RFX4: variants seen among roughly 807,000 people sequenced by gnomAD.
RFX4 encodes the protein regulatory factor X4.
A neutral mutation model predicts 95.0 loss-of-function variants in RFX4; 10 were observed. That is an observed-to-expected ratio of 0.11 (90% CI 0.06 to 0.18). The LOEUF (loss-of-function observed/expected upper bound fraction) is 0.18, where lower values mean the gene tolerates loss of function less well. Ranked by LOEUF, RFX4 falls within the 10% of genes least tolerant of loss-of-function variation. RFX4 has a pLI of 1.00. For synonymous variants in RFX4, 321 were observed against 340.7 expected (o/e 0.94, Z 0.64); for missense variants, 640 against 922.0 (o/e 0.69, Z 3.96).
chr12:106,745,772 T>C (rs1242735977), intron 15 of RFX4, among the ~76,000 whole-genome samples: 1 of 152,240 alleles, frequency 6.6e-6, no homozygotes, highest in Non-Finnish European at 1.5e-5. Flanking sequence ...AATTCTTTCA[T>C]GTTTTCCATG....
intron 15 of RFX4, among the ~76,000 whole-genome samples, chr12:106,746,758 G>A (rs933732382): frequency 6.6e-6 from 1 of 152,176 alleles, no homozygotes; most frequent in Non-Finnish European, 1.5e-5. Flanking sequence ...TTTGCTTAAA[G>A]CAATTTGTTG....
At chr12:106,594,812 A>C (rs1297718217) in intron 1 of RFX4, among the ~76,000 whole-genome samples, 1 of 151,738 alleles carries the variant, frequency 6.6e-6, no homozygotes, top group Non-Finnish European at 1.5e-5. Flanking sequence ...TAAAAAAAAA[A>C]AAAAGAAATG....
intron 13 of RFX4, among the ~76,000 whole-genome samples, chr12:106,722,890 C>T (rs1218347794): frequency 1.3e-5 from 2 of 152,156 alleles, no homozygotes; most frequent in African/African-American, 2.4e-5. Flanking sequence ...CATGTGTTCC[C>T]TGTATGAAAA....
At chr12:106,689,184 C>CT (rs2137428136) in intron 6 of RFX4, 103 bp from the exon 7 acceptor site, 1 of 933,914 alleles carries the variant, frequency 1.1e-6, no homozygotes, top group East Asian at 2.5e-5. Context: ...TGAATTGCAT[C>CT]CCCCCCACAG....
At chr12:106,733,175 C>A in intron 15 of RFX4, 90 bp downstream of exon 15, 1 of 1,391,114 alleles carries the variant, frequency 7.2e-7, no homozygotes, top group Non-Finnish European at 1.0e-6. Context: ...GACTTCATTT[C>A]CACACACACA....
At position 106,630,714 on chromosome 12, in the gene RFX4, A is replaced by G. The variant is rs962028442; in HGVS notation, c.131-8618A>G. On this transcript the variant is annotated intron_variant, in intron 2 of 17. Coordinates refer to ENST00000392842, the MANE Select transcript of RFX4 (RefSeq NM_213594.3). ...CACATAAACTTGAACCTTTCCTGGG[A>G]TTTGAAAAGAAGTAATTAATTTAGA... is the stretch of plus-strand genomic sequence containing the variant. Among the ~76,000 whole-genome samples, 3 of 152,264 alleles carry G rather than the reference A, an allele frequency of 2.0e-5. No individual in the cohort carries two copies. In the South Asian group the frequency reaches 6.2e-4, roughly 32 times the overall value.
At chr12:106,688,707 C>T (rs1309567857) in intron 6 of RFX4, among the ~76,000 whole-genome samples, 1 of 151,484 alleles carries the variant, frequency 6.6e-6, no homozygotes, top group Non-Finnish European at 1.5e-5. Flanking sequence ...ATTTAAAATT[C>T]TCAGGTAATT....
At chr12:106,700,778 TAAC>T (rs977158534) in intron 8 of RFX4, among the ~76,000 whole-genome samples, 1 of 152,234 alleles carries the variant, frequency 6.6e-6, no homozygotes, top group Non-Finnish European at 1.5e-5. Flanking sequence ...GTAAGAATCT[TAAC>T]AACAGTATAC....
chr12:106,750,349 T>A (rs1168441622), intron 16 of RFX4, among the ~76,000 whole-genome samples: 1 of 151,756 alleles, frequency 6.6e-6, no homozygotes, highest in African/African-American at 2.4e-5. Context: ...TGGTGGCACA[T>A]GCCTGTAATC....
chr12:106,608,923 A>G (rs1417948771), intron 2 of RFX4, 40 bp downstream of exon 2: 4 of 1,579,304 alleles, frequency 2.5e-6, no homozygotes, highest in Admixed American at 1.8e-5. Flanking sequence ...CATCCCAGAC[A>G]TGGCCAATGT....
chr12:106,618,177 C>T (rs147670946), intron 2 of RFX4, among the ~76,000 whole-genome samples: 21 of 151,684 alleles, frequency 1.4e-4, no homozygotes, highest in African/African-American at 3.1e-4. Context: ...GATTAACATA[C>T]GTTATAGATT....
At chr12:106,649,062 G>T (rs1404698834) in intron 3 of RFX4, among the ~76,000 whole-genome samples, 1 of 151,822 alleles carries the variant, frequency 6.6e-6, no homozygotes, top group Non-Finnish European at 1.5e-5. Flanking sequence ...TTAAATAGAA[G>T]ATAAGGAAAA....
chr12:106,695,239 A>C (rs1481464269), intron 7 of RFX4, among the ~76,000 whole-genome samples: 4 of 128,962 alleles, frequency 3.1e-5, no homozygotes, highest in African/African-American at 1.2e-4. Flanking sequence ...GGAATGTATA[A>C]AAATTCAGTT....
At chr12:106,619,400 G>A (rs2040134637) in intron 2 of RFX4, among the ~76,000 whole-genome samples, 1 of 152,052 alleles carries the variant, frequency 6.6e-6, no homozygotes, top group Non-Finnish European at 1.5e-5. Flanking sequence ...ACACTTTAAA[G>A]TTATCATTCC....
Position 106,761,321 on chromosome 12 carries a change from G to T in RFX4, c.2060G>T (p.Ser687Ile), listed in dbSNP as rs1332611469. ...EVPSANTCYTSPSVHSARYGN... is the reference protein window; with the variant it reads ...EVPSANTCYTIPSVHSARYGN... ...CCCTCAGCCAACACGTGCTACACAAGCCCGTCTGTGCATTCTGCGAGGTAC... is the reference window on the plus strand; with the variant it reads ...CCCTCAGCCAACACGTGCTACACAATCCCGTCTGTGCATTCTGCGAGGTAC... Residue 687 changes from serine to isoleucine, a missense_variant, in exon 18 of 18, where the codon AGC becomes ATC. By Grantham distance (142) the Ser-to-Ile change is moderately radical. Coordinates refer to ENST00000392842, the MANE Select transcript of RFX4 (RefSeq NM_213594.3). 6 of 1,614,086 alleles carry T rather than the reference G, an allele frequency of 3.7e-6. No homozygotes were observed. The highest frequency in any genetic ancestry group is 4.2e-6 in the Non-Finnish European group (5 of 1,180,020).
At chr12:106,681,879 A>G in intron 4 of RFX4, 114 bp from the exon 5 acceptor site, 1 of 1,070,188 alleles carries the variant, frequency 9.3e-7, no homozygotes, top group Non-Finnish European at 1.4e-6. Flanking sequence ...CTATTAAGTC[A>G]TTGCAACCAA....
At chr12:106,726,377 C>A (rs1420396970) in intron 13 of RFX4, among the ~76,000 whole-genome samples, 1 of 152,092 alleles carries the variant, frequency 6.6e-6, no homozygotes, top group East Asian at 1.9e-4. Flanking sequence ...GCTTTGCCCA[C>A]CTCATTCCCT....
intron 4 of RFX4, among the ~76,000 whole-genome samples, chr12:106,675,187 T>A (rs1285699894): frequency 6.6e-6 from 1 of 152,140 alleles, no homozygotes; most frequent in East Asian, 1.9e-4. Flanking sequence ...TCCCAGCACT[T>A]TGGGAGGCAG....
chr12:106,683,993 CA>C (rs1319768672), intron 5 of RFX4, among the ~76,000 whole-genome samples: 4 of 152,178 alleles, frequency 2.6e-5, no homozygotes, highest in Non-Finnish European at 5.9e-5. Flanking sequence ...AGTTGAAAGG[CA>C]GTAAGAAGCT....
Sources: gnomAD v4.1 joint callset for allele counts (sites outside exome capture counted in the v4.1 genomes callset) on GRCh38, gnomAD v4.1.1 for gene constraint, MANE v1.5 for transcripts, NCBI Gene and HGNC (gene_info 2026-07-23, HGNC 2026-07-21) for gene names.